SVOPL: variants seen among roughly 807,000 people sequenced by gnomAD.
SVOPL encodes the protein SVOP like, also known as putative transporter SVOPL.
In SVOPL, 60 loss-of-function variants were observed where a neutral mutation model predicts 61.0. The ratio of observed to expected loss-of-function variants is 0.98; its 90% CI spans 0.80 to 1.22. The LOEUF is 1.22. Ranked by LOEUF, SVOPL falls within the 50% of genes most tolerant of loss-of-function variation. SVOPL has a pLI of 0.00. For synonymous variants in SVOPL, 279 were observed against 250.0 expected, an observed-to-expected ratio of 1.12 and a Z score of -1.09; for missense variants, 662 against 643.9, an observed-to-expected ratio of 1.03 and a Z score of -0.30.
At chr7:138,677,785 C>T (rs1330185661) in intron 3 of SVOPL, among the ~76,000 whole-genome samples, 4 of 135,768 alleles carry the variant, frequency 2.9e-5, no homozygotes, top group South Asian at 2.3e-4. Flanking sequence ...TTTTTTGAGA[C>T]GCAGTCTCGC....
At chr7:138,595,363 A>G (rs1010489086) in intron 15 of SVOPL, among the ~76,000 whole-genome samples, 5 of 152,184 alleles carry the variant, frequency 3.3e-5, no homozygotes, top group African/African-American at 1.2e-4. Context: ...TCCCAAAGAC[A>G]TGTAGCCAGT....
chr7:138,615,690 A>G (rs62485289), intron 14 of SVOPL, among the ~76,000 whole-genome samples: 2 of 83,740 alleles, frequency 2.4e-5, no homozygotes, highest in Non-Finnish European at 5.5e-5. Context: ...AGCTACTTGG[A>G]AGGCTGAGGC....
chr7:138,645,823 GT>G (rs1430054491), intron 8 of SVOPL: 2 of 161,066 alleles, frequency 1.2e-5, no homozygotes, highest in African/African-American at 4.8e-5. Flanking sequence ...GTTTCGTTTT[GT>G]TTTGTTTTTT....
intron 4 of SVOPL, among the ~76,000 whole-genome samples, chr7:138,668,474 G>A (rs1350430462): frequency 6.6e-6 from 1 of 152,074 alleles, no homozygotes; most frequent in Non-Finnish European, 1.5e-5. Flanking sequence ...AACCTCAGAT[G>A]ACTGAGATTT....
chr7:138,600,628 T>C (rs972293677), intron 14 of SVOPL, among the ~76,000 whole-genome samples: 45 of 151,996 alleles, frequency 3.0e-4, no homozygotes, highest in African/African-American at 1.1e-3. Flanking sequence ...GCTATCCCTT[T>C]TGGTGATGAT....
At chr7:138,635,997 C>T (rs764951059) in intron 9 of SVOPL, among the ~76,000 whole-genome samples, 2 of 152,176 alleles carry the variant, frequency 1.3e-5, no homozygotes, top group African/African-American at 2.4e-5. Context: ...CAGCTTACTG[C>T]AACCTCCTCC....
intron 1 of SVOPL, among the ~76,000 whole-genome samples, chr7:138,694,653 T>C (rs968323825): frequency 1.3e-5 from 2 of 152,344 alleles, no homozygotes; most frequent in South Asian, 4.1e-4. Context: ...TAGAATGCCA[T>C]ATAGAAGCTC....
intron 7 of SVOPL, among the ~76,000 whole-genome samples, chr7:138,654,312 T>C (rs1801594284): frequency 6.6e-6 from 1 of 152,158 alleles, no homozygotes; most frequent in South Asian, 2.1e-4. Context: ...GATAAGATGA[T>C]GTATATCCTA....
intron 9 of SVOPL, among the ~76,000 whole-genome samples, chr7:138,636,906 T>A (rs1391170541): frequency 6.6e-6 from 1 of 152,126 alleles, no homozygotes; most frequent in Admixed American, 6.6e-5. Context: ...AAAAAGATGT[T>A]TGACCAGGGG....
chr7:138,673,540 G>C (rs1414311572), intron 3 of SVOPL, among the ~76,000 whole-genome samples: 1 of 152,114 alleles, frequency 6.6e-6, no homozygotes, highest in East Asian at 1.9e-4. Flanking sequence ...GCCTACTCAG[G>C]AGGGTGAGGC....
intron 1 of SVOPL, among the ~76,000 whole-genome samples, chr7:138,685,335 A>G (rs568486603): frequency 1.3e-5 from 2 of 152,344 alleles, no homozygotes; most frequent in South Asian, 4.1e-4. Flanking sequence ...AGCCAGGCAC[A>G]GAATAATGAA....
At chr7:138,661,249 T>A (rs1801985867) in intron 5 of SVOPL, 1 of 985,328 alleles carries the variant, frequency 1.0e-6, no homozygotes, top group African/African-American at 1.7e-5. Context: ...TATGTCTTGA[T>A]GTCTAATCTT....
intron 1 of SVOPL, chr7:138,689,429 T>C: frequency 8.2e-7 from 1 of 1,222,144 alleles, no homozygotes; most frequent in Non-Finnish European, 1.2e-6. Context: ...AGATGATCCT[T>C]ACTGAAAAGG....
intron 4 of SVOPL, among the ~76,000 whole-genome samples, chr7:138,664,400 GACCCATTGGGCGCGTGCCTA>G (rs1383864057): frequency 6.8e-6 from 1 of 147,322 alleles, no homozygotes; most frequent in East Asian, 2.0e-4. Flanking sequence ...GCACGCCTCT[GACCCATTGGGCGCGTGCCTA>G]ACCCTCTGGC....
chr7:138,594,672 T>C, intron 15 of SVOPL, 51 bp from the exon 16 acceptor site: 1 of 1,404,266 alleles, frequency 7.1e-7, no homozygotes, highest in Non-Finnish European at 9.7e-7. Flanking sequence ...AAAAGTCTTG[T>C]CCATTCATAC....
At chr7:138,640,834 A>T (rs1056390133) in intron 9 of SVOPL, among the ~76,000 whole-genome samples, 2 of 152,132 alleles carry the variant, frequency 1.3e-5, no homozygotes, top group African/African-American at 4.8e-5. Context: ...GGATGACAGG[A>T]TCAATCATAC....
intron 9 of SVOPL, among the ~76,000 whole-genome samples, chr7:138,642,287 C>CAAAAAA (rs79469915): frequency 8.2e-4 from 92 of 111,630 alleles, no homozygotes; most frequent in African/African-American, 3.2e-3. Flanking sequence ...GGAAATTAGC[C>CAAAAAA]AAAAAAAAAA....
chr7:138,611,870 C>A (rs1259048462), intron 14 of SVOPL, among the ~76,000 whole-genome samples: 6 of 76,404 alleles, frequency 7.9e-5, no homozygotes, highest in Admixed American at 4.2e-4. Flanking sequence ...AGCCTCTGCC[C>A]GGCCGCCACC....
intron 1 of SVOPL, among the ~76,000 whole-genome samples, chr7:138,682,628 G>A (rs1802723705): frequency 6.6e-6 from 1 of 152,128 alleles, no homozygotes; most frequent in South Asian, 2.1e-4. Context: ...AATGGACCTT[G>A]TTTGGATGTT....
Sources: allele counts gnomAD v4.1 joint callset (sites outside exome capture counted in the v4.1 genomes callset), GRCh38; gene constraint gnomAD v4.1.1; transcripts MANE v1.5; gene names NCBI Gene and HGNC (gene_info 2026-07-23, HGNC 2026-07-21).